CSGALNACT1: variants seen among roughly 807,000 people sequenced by gnomAD.
CSGALNACT1 encodes chondroitin sulfate N-acetylgalactosaminyltransferase 1.
A neutral mutation model predicts 51.0 loss-of-function variants in CSGALNACT1; 52 were observed. The ratio of observed to expected loss-of-function variants is 1.02; its 90% CI spans 0.82 to 1.29. The LOEUF (loss-of-function observed/expected upper bound fraction) is 1.29. Ranked by LOEUF, CSGALNACT1 falls within the 50% of genes most tolerant of loss-of-function variation. The pLI is 0.00. For synonymous variants in CSGALNACT1, 341 were observed against 254.4 expected (o/e 1.34, Z -3.24); for missense variants, 935 against 679.2 (o/e 1.38, Z -4.19).
Position 19,461,079 on chromosome 8 carries a change from T to C in CSGALNACT1, c.635-2437A>G, listed in dbSNP as rs139092713. Among the ~76,000 whole-genome samples the C allele has an allele frequency of 3.5e-3, 528 of 152,266 alleles. 3 individuals are homozygous for C. The highest frequency in any genetic ancestry group is 0.012 in the African/African-American group (506 of 41,544). ...AGTTCCCTTTGGAAGCCTTCACCAA[T>C]GCGTTGAGTAAAAGGGTATCCTGCT... On this transcript the variant is annotated intron_variant, in intron 4 of 9. Transcript: ENST00000454498.
At chr8:19,505,432 C>T (rs768382561) in exon 4 of CSGALNACT1, 1 of 1,614,210 alleles carries the variant, frequency 6.2e-7, no homozygotes, top group Non-Finnish European at 8.5e-7. Flanking sequence ...TTGACGCCAG[C>T]ATTCACCTCT....
chr8:19,461,850 G>C lies in CSGALNACT1; in HGVS notation c.635-3208C>G, dbSNP rs1468014415. ...CCATGGAGGGTGTATCTGCACAGCAGCCACATTCACCATGGAGGGCGTATC... is the reference window on the plus strand; with the variant it reads ...CCATGGAGGGTGTATCTGCACAGCACCCACATTCACCATGGAGGGCGTATC... On this transcript the variant is annotated intron_variant, in intron 4 of 9. Transcript: ENST00000454498. 2.5e-3 allele frequency among the ~76,000 whole-genome samples: 341 copies of C among 136,518 alleles called. 44 individuals are homozygous for C. Among genetic ancestry groups the C allele is most frequent in the East Asian group, 6.1e-3 (30 of 4,948 alleles). 89.6% of individuals were successfully genotyped at this position (136,518 alleles called of 152,430 possible). A position where few individuals can be genotyped will look rare whatever the true frequency, so the allele number is the denominator to read the frequency against.
chr8:19,497,782 C>G (rs529443949), intron 4 of CSGALNACT1, among the ~76,000 whole-genome samples: 14 of 152,280 alleles, frequency 9.2e-5, no homozygotes, highest in African/African-American at 3.4e-4. Flanking sequence ...ACCTGCCTCC[C>G]TAATGTATTC....
chr8:19,574,334 C>T (rs977595016), intron 3 of CSGALNACT1, among the ~76,000 whole-genome samples: 17 of 152,202 alleles, frequency 1.1e-4, no homozygotes, highest in African/African-American at 4.1e-4. Context: ...AACCTAGTGC[C>T]AATGGTCTCT....
chr8:19,640,781 T>G (rs2056644741), intron 1 of CSGALNACT1, among the ~76,000 whole-genome samples: 1 of 152,172 alleles, frequency 6.6e-6, no homozygotes. Context: ...TACACTATTC[T>G]TAAACAATTC....
chr8:19,524,566 A>T (rs2081312620), intron 3 of CSGALNACT1, among the ~76,000 whole-genome samples: 1 of 152,078 alleles, frequency 6.6e-6, no homozygotes, highest in Non-Finnish European at 1.5e-5. Context: ...CCTTCCATAT[A>T]GTAGGAAGAG....
exon 9 of CSGALNACT1, chr8:19,408,654 A>G: frequency 1.2e-6 from 2 of 1,613,722 alleles, no homozygotes; most frequent in Non-Finnish European, 1.7e-6. Context: ...CGTCATCCCA[A>G]ATCCAAAGTC....
At chr8:19,411,775 A>AAAAACATCT (rs1393035111) in intron 8 of CSGALNACT1, among the ~76,000 whole-genome samples, 2 of 152,136 alleles carry the variant, frequency 1.3e-5, no homozygotes, top group Non-Finnish European at 2.9e-5. Context: ...ACTTTAAAAG[A>AAAAACATCT]AAAACATCTA....
intron 9 of CSGALNACT1, 142 bp from the exon 9 acceptor site, chr8:19,406,211 TC>T: frequency 1.0e-6 from 1 of 962,734 alleles, no homozygotes; most frequent in Non-Finnish European, 1.6e-6. Context: ...TACGAGAGTG[TC>T]CACCTGGGTC....
rs557654282 is a variant in CSGALNACT1 at position 19,674,205 on chromosome 8, A to G, written c.-544+8268T>C. Among the ~76,000 whole-genome samples the G allele has an allele frequency of 6.6e-5, 10 of 152,318 alleles. No homozygotes were observed. In the East Asian group the frequency reaches 1.9e-3, roughly 29 times the overall value. Reference sequence around the variant, plus strand: ...CTACTCAGGAGGCTGAGGCAGGAGAATTGTTCGAACCTGGGAGGTGGAGGT... The same window carrying G: ...CTACTCAGGAGGCTGAGGCAGGAGAGTTGTTCGAACCTGGGAGGTGGAGGT... On this transcript the variant is annotated intron_variant, in intron 1 of 9. Coordinates refer to the CSGALNACT1 transcript ENST00000332246.
chr8:19,604,352 A>G (rs988294506), upstream of CSGALNACT1, among the ~76,000 whole-genome samples: 1 of 152,252 alleles, frequency 6.6e-6, no homozygotes, highest in Non-Finnish European at 1.5e-5. Flanking sequence ...TAATGTGTCC[A>G]TACACCACAC....
intron 1 of CSGALNACT1, among the ~76,000 whole-genome samples, chr8:19,611,417 C>T (rs1395248194): frequency 6.6e-6 from 1 of 152,152 alleles, no homozygotes. Flanking sequence ...AGCTAGCTAG[C>T]ATTTATTGGG....
intron 3 of CSGALNACT1, among the ~76,000 whole-genome samples, chr8:19,570,028 T>C (rs867939380): frequency 2.0e-5 from 3 of 151,706 alleles, no homozygotes; most frequent in Non-Finnish European, 4.4e-5. Context: ...AGATTAGAGG[T>C]CCAAATAGTG....
At chr8:19,486,358 C>A (rs2072937506) in intron 4 of CSGALNACT1, among the ~76,000 whole-genome samples, 1 of 152,130 alleles carries the variant, frequency 6.6e-6, no homozygotes, top group Non-Finnish European at 1.5e-5. Flanking sequence ...CAAGTCTATT[C>A]TCAACACAAC....
chr8:19,565,855 G>C (rs1028033898), intron 3 of CSGALNACT1, among the ~76,000 whole-genome samples: 1 of 152,202 alleles, frequency 6.6e-6, no homozygotes, highest in Admixed American at 6.5e-5. Context: ...AGGTTGCAGT[G>C]AGCCGAGATC....
At chr8:19,463,506 TG>T (rs1202954141) in intron 4 of CSGALNACT1, among the ~76,000 whole-genome samples, 4 of 151,922 alleles carry the variant, frequency 2.6e-5, no homozygotes, top group Non-Finnish European at 5.9e-5. Context: ...AACTTGGGCA[TG>T]GGGGGAGGGG....
At chr8:19,524,297 T>A (rs1274413126) in intron 3 of CSGALNACT1, among the ~76,000 whole-genome samples, 1 of 152,110 alleles carries the variant, frequency 6.6e-6, no homozygotes, top group Admixed American at 6.5e-5. Context: ...GAAAAAACAC[T>A]GCCACAGATC....
At chr8:19,611,498 G>A (rs971943117) in intron 1 of CSGALNACT1, among the ~76,000 whole-genome samples, 6 of 152,120 alleles carry the variant, frequency 3.9e-5, no homozygotes, top group South Asian at 2.1e-4. Context: ...GCTAAGAGAC[G>A]TATATAATCT....
At chr8:19,686,052 T>C (rs2060958558), upstream of CSGALNACT1, among the ~76,000 whole-genome samples, 1 of 152,196 alleles carries the variant, frequency 6.6e-6, no homozygotes, top group Admixed American at 6.5e-5. Flanking sequence ...GATAGCTGCC[T>C]TTACACAAAT....
Sources: gnomAD v4.1 joint callset for allele counts (sites outside exome capture counted in the v4.1 genomes callset) on GRCh38, gnomAD v4.1.1 for gene constraint, MANE v1.5 for transcripts, NCBI Gene and HGNC (gene_info 2026-07-23, HGNC 2026-07-21) for gene names.